LRRTM4: variants seen among roughly 807,000 people sequenced by gnomAD.
LRRTM4 encodes the protein leucine-rich repeat transmembrane neuronal protein 4.
A neutral mutation model predicts 47.6 loss-of-function variants in LRRTM4; 25 were observed. The observed-to-expected ratio is 0.53, with a 90% CI of 0.38 to 0.73. The LOEUF is 0.73. Ranked by LOEUF, LRRTM4 falls within the 30% of genes least tolerant of loss-of-function variation. LRRTM4 has a pLI of 0.00. For synonymous variants in LRRTM4, 311 were observed against 269.5 expected (o/e 1.15, Z -1.51); for missense variants, 638 against 713.4 (o/e 0.89, Z 1.20).
At chr2:76,886,666 T>C (rs957074076) in intron 3 of LRRTM4, among the ~76,000 whole-genome samples, 5 of 151,966 alleles carry the variant, frequency 3.3e-5, no homozygotes, top group African/African-American at 1.2e-4. Context: ...ATGCAAATAG[T>C]AACATAACTC....
intron 3 of LRRTM4, among the ~76,000 whole-genome samples, chr2:77,297,106 T>A (rs79125116): frequency 6.6e-6 from 1 of 152,056 alleles, no homozygotes; most frequent in Non-Finnish European, 1.5e-5. Context: ...GTTGTTATTG[T>A]TTTTTTGTTG....
At chr2:76,854,617 A>C (rs868217939) in intron 3 of LRRTM4, among the ~76,000 whole-genome samples, 54 of 152,316 alleles carry the variant, frequency 3.5e-4, no homozygotes, top group Middle Eastern at 6.8e-3. Context: ...GAATTTACCA[A>C]TCACAGAACA....
At chr2:76,979,091 C>T (rs775066703) in intron 3 of LRRTM4, among the ~76,000 whole-genome samples, 3 of 152,098 alleles carry the variant, frequency 2.0e-5, no homozygotes, top group Non-Finnish European at 2.9e-5. Flanking sequence ...ATGAGGATAC[C>T]TTGCCCACAT....
intron 3 of LRRTM4, among the ~76,000 whole-genome samples, chr2:77,211,860 T>C (rs1161076732): frequency 6.6e-6 from 1 of 152,092 alleles, no homozygotes; most frequent in Non-Finnish European, 1.5e-5. Context: ...CATTATTATA[T>C]ATAGCTATAT....
At chr2:76,900,125 T>C (rs1673572779) in intron 3 of LRRTM4, among the ~76,000 whole-genome samples, 1 of 151,962 alleles carries the variant, frequency 6.6e-6, no homozygotes, top group African/African-American at 2.4e-5. Context: ...CCCAGCTGCT[T>C]GGGAGGCTTG....
chr2:77,483,154 A>AAAAAAAAAAAAAAAAAAAC, intron 3 of LRRTM4, among the ~76,000 whole-genome samples: 1 of 142,586 alleles, frequency 7.0e-6, no homozygotes, highest in South Asian at 2.2e-4. Context: ...AAAAAAAAAA[A>AAAAAAAAAAAAAAAAAAAC]TTCCACCGCA....
chr2:76,757,358 T>C (rs1280257935), intron 3 of LRRTM4, among the ~76,000 whole-genome samples: 1 of 152,118 alleles, frequency 6.6e-6, no homozygotes, highest in Non-Finnish European at 1.5e-5. Context: ...AGAACAAAGA[T>C]CCATTTCCAT....
At chr2:77,192,805 G>A (rs1428711611) in intron 3 of LRRTM4, among the ~76,000 whole-genome samples, 1 of 152,144 alleles carries the variant, frequency 6.6e-6, no homozygotes, top group Non-Finnish European at 1.5e-5. Context: ...TCACATTTGG[G>A]TAGATTCAGA....
At chr2:77,237,217 T>C (rs1392483684) in intron 3 of LRRTM4, among the ~76,000 whole-genome samples, 2 of 151,846 alleles carry the variant, frequency 1.3e-5, no homozygotes, top group African/African-American at 2.4e-5. Flanking sequence ...TTCAATTTTA[T>C]AACTTGATAT....
At chr2:77,224,688 C>T (rs1351686512) in intron 3 of LRRTM4, among the ~76,000 whole-genome samples, 3 of 152,090 alleles carry the variant, frequency 2.0e-5, no homozygotes, top group Middle Eastern at 3.4e-3. Context: ...GTTAGAATGG[C>T]AATCATTAAA....
At chr2:76,883,342 C>G (rs540016359) in intron 3 of LRRTM4, among the ~76,000 whole-genome samples, 1 of 152,264 alleles carries the variant, frequency 6.6e-6, no homozygotes, top group East Asian at 1.9e-4. Flanking sequence ...ATGCTTAACA[C>G]ATAGTAAATG....
At chr2:77,456,823 C>T (rs1676561711) in intron 3 of LRRTM4, among the ~76,000 whole-genome samples, 1 of 151,430 alleles carries the variant, frequency 6.6e-6, no homozygotes, top group Admixed American at 6.6e-5. Flanking sequence ...TACTGAAATA[C>T]TTTCTTCTCT....
At chr2:76,927,382 G>A (rs1355294765) in intron 3 of LRRTM4, among the ~76,000 whole-genome samples, 1 of 152,074 alleles carries the variant, frequency 6.6e-6, no homozygotes, top group Non-Finnish European at 1.5e-5. Flanking sequence ...CTGTATAACG[G>A]TTCTACGATG....
chr2:77,452,570 C>T (rs1385964014), intron 3 of LRRTM4, among the ~76,000 whole-genome samples: 2 of 152,210 alleles, frequency 1.3e-5, no homozygotes, highest in Non-Finnish European at 2.9e-5. Context: ...TCAAGGGAGA[C>T]CAGATGTGCA....
chr2:76,749,954 C>G (rs1184890194), intron 3 of LRRTM4, among the ~76,000 whole-genome samples: 1 of 152,182 alleles, frequency 6.6e-6, no homozygotes, highest in Non-Finnish European at 1.5e-5. Flanking sequence ...ACTATTGACT[C>G]TCAGCTCTAA....
At chr2:76,800,835 C>CA (rs1176427829) in intron 3 of LRRTM4, among the ~76,000 whole-genome samples, 2 of 148,746 alleles carry the variant, frequency 1.3e-5, no homozygotes, top group Non-Finnish European at 3.0e-5. Flanking sequence ...TTTATGCAGC[C>CA]AAAAAACACA....
At chr2:76,764,175 C>G (rs1673365316) in intron 3 of LRRTM4, among the ~76,000 whole-genome samples, 1 of 152,082 alleles carries the variant, frequency 6.6e-6, no homozygotes, top group Non-Finnish European at 1.5e-5. Context: ...AGATGCAAGA[C>G]ATGAATTGAA....
intron 3 of LRRTM4, among the ~76,000 whole-genome samples, chr2:77,441,214 T>C (rs756705542): frequency 6.6e-6 from 1 of 152,182 alleles, no homozygotes; most frequent in Non-Finnish European, 1.5e-5. Flanking sequence ...AACAATCCAC[T>C]AGAATGAATG....
intron 3 of LRRTM4, among the ~76,000 whole-genome samples, chr2:77,222,123 A>G (rs1320123947): frequency 6.6e-6 from 1 of 152,216 alleles, no homozygotes; most frequent in Admixed American, 6.5e-5. Context: ...ACATAAGGAA[A>G]TGAAGGCAGA....
Sources: gnomAD v4.1 joint callset for allele counts (sites outside exome capture counted in the v4.1 genomes callset) on GRCh38, gnomAD v4.1.1 for gene constraint, MANE v1.5 for transcripts, NCBI Gene and HGNC (gene_info 2026-07-23, HGNC 2026-07-21) for gene names.